The following PCDH11X variants were observed in gnomAD, a reference collection of about 807,000 sequenced individuals.
The protein encoded by PCDH11X is protocadherin 11 X-linked, also known as protocadherin-11 X-linked.
PCDH11X carries 18 observed loss-of-function variants against 53.3 expected under a neutral mutation model. The observed-to-expected ratio is 0.34, with a 90% CI of 0.23 to 0.50. The LOEUF (loss-of-function observed/expected upper bound fraction) is 0.50. Ranked by LOEUF, PCDH11X falls within the 20% of genes least tolerant of loss-of-function variation. The pLI is 0.98. For synonymous variants in PCDH11X, 279 were observed against 393.3 expected, an observed-to-expected ratio of 0.71 and a Z score of 3.44; for missense variants, 570 against 1,032.4, an observed-to-expected ratio of 0.55 and a Z score of 6.14.
chrX:92,182,236 G>A (rs2066009240), intron 6 of PCDH11X, among the ~76,000 whole-genome samples: 1 of 111,831 alleles, frequency 8.9e-6, no homozygotes, highest in South Asian at 3.7e-4. Context: ...GACTTGCATG[G>A]GACTTGTAGC....
rs753056164 is a variant in PCDH11X, at chrX:91,815,079, A to G, written c.-45+3784A>G. Among the ~76,000 whole-genome samples the G allele has an allele frequency of 7.4e-4, 82 of 111,093 alleles. 1 individual carries two copies. The highest frequency in any genetic ancestry group is 2.6e-3 in the African/African-American group (79 of 30,541). On this transcript the variant is annotated intron_variant, in intron 4 of 10. Coordinates refer to ENST00000682573, the MANE Select transcript of PCDH11X (RefSeq NM_032968.5). ...ATTGTTAACCCTGTTTTACACAAAG[A>G]TACAGAGAATTTAAATAACTTGCAT...
At chrX:92,224,889 A>G (rs2066941936) in intron 7 of PCDH11X, among the ~76,000 whole-genome samples, 2 of 112,173 alleles carry the variant, frequency 1.8e-5, no homozygotes, top group Admixed American at 1.9e-4. Context: ...ATCTAAAGTG[A>G]TTATCTCTTG....
rs561144126 is a variant in PCDH11X at position 92,396,566 on chromosome X, G to A, written c.3343+8633G>A. Among the ~76,000 whole-genome samples, 6 of 102,706 alleles carry A rather than the reference G, an allele frequency of 5.8e-5. No homozygotes were observed. In the South Asian group the frequency reaches 2.1e-3, roughly 37 times the overall value. 89.2% of individuals were successfully genotyped at this position (102,706 alleles called of 115,157 possible). On this transcript the variant is annotated intron_variant, in intron 9 of 10. Transcript: ENST00000682573. ...TATAAAAGTTATCCTGCTTTTGGCC[G>A]GGCACGGTGGCTCATGCCTGTAATC...
At chrX:92,069,503 T>G (rs6618841) in intron 6 of PCDH11X, among the ~76,000 whole-genome samples, 32,126 of 109,457 alleles carry the variant, frequency 0.29, 5,333 homozygotes, top group African/African-American at 0.62. Context: ...ACATACTCCT[T>G]CCATTTTGTT....
At chrX:92,466,800 G>T (rs1278355312) in intron 9 of PCDH11X, among the ~76,000 whole-genome samples, 1 of 108,861 alleles carries the variant, frequency 9.2e-6, no homozygotes, top group Non-Finnish European at 1.9e-5. Context: ...TTATTTTTTT[G>T]ACCTTTTTAG....
At chrX:92,232,957 C>T (rs898947061) in intron 7 of PCDH11X, among the ~76,000 whole-genome samples, 2 of 111,553 alleles carry the variant, frequency 1.8e-5, no homozygotes, top group Non-Finnish European at 3.8e-5. Context: ...CCTCCTGATC[C>T]GCCCACCGCG....
At chrX:92,081,486 C>T (rs1304292313) in intron 6 of PCDH11X, among the ~76,000 whole-genome samples, 1 of 110,341 alleles carries the variant, frequency 9.1e-6, no homozygotes, top group Non-Finnish European at 1.9e-5. Flanking sequence ...CATAATTCAT[C>T]TCCTGTTGAT....
chrX:92,475,493 A>AGGAC (rs1411565511), intron 10 of PCDH11X, among the ~76,000 whole-genome samples: 3 of 111,805 alleles, frequency 2.7e-5, no homozygotes, highest in African/African-American at 9.8e-5. Context: ...TAAATATGTC[A>AGGAC]TGCCACTCTC....
chrX:92,247,630 T>G (rs1017008399), intron 7 of PCDH11X, among the ~76,000 whole-genome samples: 2 of 111,969 alleles, frequency 1.8e-5, no homozygotes, highest in African/African-American at 6.5e-5. Flanking sequence ...TTGCACTGGC[T>G]GTCCTTGGCT....
At chrX:92,411,796 T>A (rs1353661182) in intron 9 of PCDH11X, among the ~76,000 whole-genome samples, 2 of 104,705 alleles carry the variant, frequency 1.9e-5, no homozygotes, top group Non-Finnish European at 3.9e-5. Context: ...TTCAGAGAAG[T>A]GTAATCAGAT....
chrX:92,430,407 G>A (rs141262908), intron 9 of PCDH11X, among the ~76,000 whole-genome samples: 2,157 of 75,267 alleles, frequency 0.029, 105 homozygotes, highest in Middle Eastern at 0.075. Context: ...TTTACTTTAT[G>A]GTGTTTACTT....
chrX:91,905,098 TTTATTATTATTA>T (rs200229863), intron 6 of PCDH11X, among the ~76,000 whole-genome samples: 7 of 99,985 alleles, frequency 7.0e-5, no homozygotes, highest in South Asian at 5.0e-4. Context: ...TACTTTTTTG[TTTATTATTATTA>T]TTATTATTAT....
chrX:91,879,811 G>A (rs1184959274), intron 6 of PCDH11X: 4 of 742,290 alleles, frequency 5.4e-6, no homozygotes, highest in Non-Finnish European at 6.3e-6. Context: ...TTCAGATTAG[G>A]AACTCAAAAT....
At chrX:92,304,300 A>G (rs2068781890) in intron 8 of PCDH11X, among the ~76,000 whole-genome samples, 1 of 111,243 alleles carries the variant, frequency 9.0e-6, no homozygotes, top group African/African-American at 3.3e-5. Context: ...AAAAATGGTT[A>G]TCTTGCCATC....
chrX:92,419,099 TA>T (rs2148612608), intron 9 of PCDH11X, among the ~76,000 whole-genome samples: 1 of 104,920 alleles, frequency 9.5e-6, no homozygotes, highest in South Asian at 4.5e-4. Context: ...TTCTTCTTGG[TA>T]AATTGATCCT....
At chrX:92,589,767 A>G (rs1924824467) in intron 10 of PCDH11X, among the ~76,000 whole-genome samples, 2 of 111,118 alleles carry the variant, frequency 1.8e-5, no homozygotes. Context: ...TTCCTGGGCT[A>G]TTAGTACAAG....
rs561348395 is a variant in PCDH11X, at chrX:91,897,710, A to G, written c.3033+18437A>G. Among the ~76,000 whole-genome samples the G allele has an allele frequency of 1.1e-3, 117 of 107,181 alleles. 3 individuals are homozygous for G. In the South Asian group the frequency reaches 0.049, roughly 45 times the overall value. 93.1% of individuals were successfully genotyped at this position (107,181 alleles called of 115,157 possible). ...TTTTTAATATTGTCAAAGATATACA[A>G]TGCCATACTATAAATACATTTTGTT... On this transcript the variant is annotated intron_variant, in intron 6 of 10. Coordinates refer to ENST00000682573, the MANE Select transcript of PCDH11X (RefSeq NM_032968.5).
intron 6 of PCDH11X, among the ~76,000 whole-genome samples, chrX:92,153,879 T>C (rs2065482285): frequency 9.0e-6 from 1 of 110,665 alleles, no homozygotes. Flanking sequence ...TTCTGTAATA[T>C]TTTTGATGAA....
chrX:91,914,127 C>A (rs1195662869), intron 6 of PCDH11X, among the ~76,000 whole-genome samples: 1 of 111,233 alleles, frequency 9.0e-6, no homozygotes, highest in Non-Finnish European at 1.9e-5. Flanking sequence ...TAGCCCCACT[C>A]AGTGGCTAGA....
Sources: allele counts gnomAD v4.1 joint callset (sites outside exome capture counted in the v4.1 genomes callset), GRCh38; gene constraint gnomAD v4.1.1; transcripts MANE v1.5; gene names NCBI Gene and HGNC (gene_info 2026-07-23, HGNC 2026-07-21).